Variants in CDH18 observed in about 807,000 individuals in gnomAD.
CDH18 encodes cadherin 18, also known as cadherin-18.
Under a neutral mutation model 67.9 loss-of-function variants are expected in CDH18, and 31 were observed. The observed-to-expected ratio is 0.46, with a 90% CI of 0.34 to 0.62. The LOEUF is 0.62. CDH18 is among the 20% of genes least tolerant of loss of function. The pLI is 0.01. For synonymous variants in CDH18, 362 were observed against 347.2 expected (o/e 1.04, Z -0.48); for missense variants, 890 against 975.5 (o/e 0.91, Z 1.17).
At chr5:20,287,376 T>A (rs933842681) in intron 1 of CDH18, among the ~76,000 whole-genome samples, 1 of 151,748 alleles carries the variant, frequency 6.6e-6, no homozygotes, top group African/African-American at 2.4e-5. Flanking sequence ...TATTCAAATT[T>A]AAATTGAAGG....
At chr5:20,179,691 A>C (rs1171260178) in intron 2 of CDH18, among the ~76,000 whole-genome samples, 1 of 152,168 alleles carries the variant, frequency 6.6e-6, no homozygotes, top group Middle Eastern at 3.2e-3. Context: ...AGCCACACCA[A>C]GTAAAAGTTT....
intron 1 of CDH18, among the ~76,000 whole-genome samples, chr5:20,301,171 G>GT (rs1460320822): frequency 7.1e-6 from 1 of 140,394 alleles, no homozygotes; most frequent in Admixed American, 6.8e-5. Context: ...TATAGACAGT[G>GT]TTTTTTTGTT....
Position 19,718,974 on chromosome 5 carries a change from G to C in CDH18, c.643+2373C>G, listed in dbSNP as rs115150981. Reference sequence around the variant, plus strand: ...TACATATTATGTTACTGATATATTTGCTTCCCCCAAATCACAAACTACAGC... The same window carrying C: ...TACATATTATGTTACTGATATATTTCCTTCCCCCAAATCACAAACTACAGC... On this transcript the variant is annotated intron_variant, in intron 5 of 12. Transcript: ENST00000382275. 7.1e-3 allele frequency among the ~76,000 whole-genome samples: 1,075 copies of C among 152,008 alleles called. 4 individuals carry two copies. Among genetic ancestry groups the C allele is most frequent in the Non-Finnish European group, 0.011 (761 of 67,838 alleles).
Position 20,233,858 on chromosome 5 carries a change from A to G in CDH18, c.-518+21586T>C, listed in dbSNP as rs116755346. 8.9e-3 allele frequency among the ~76,000 whole-genome samples: 1,352 copies of G among 152,218 alleles called. 24 individuals are homozygous for G. Among genetic ancestry groups the G allele is most frequent in the African/African-American group, 0.03 (1,242 of 41,552 alleles). On this transcript the variant is annotated intron_variant, in intron 2 of 14. Coordinates refer to the CDH18 transcript ENST00000507958. ...ATTTTAATTTTGCAGTGTTCTTGTA[A>G]AAATGTGAAGTCTATTTATCACCTT...
chr5:20,382,334 T>C (rs1242932140), intron 1 of CDH18, among the ~76,000 whole-genome samples: 2 of 152,182 alleles, frequency 1.3e-5, no homozygotes, highest in Non-Finnish European at 2.9e-5. Context: ...TCATGGAACA[T>C]ACCTATATAG....
intron 1 of CDH18, among the ~76,000 whole-genome samples, chr5:20,279,809 T>A (rs1490229808): frequency 6.8e-6 from 1 of 146,198 alleles, no homozygotes; most frequent in East Asian, 2.2e-4. Flanking sequence ...ATTGGACAGA[T>A]CATCCAGACA....
chr5:20,486,893 G>C (rs1193133180), intron 1 of CDH18, among the ~76,000 whole-genome samples: 4 of 152,054 alleles, frequency 2.6e-5, no homozygotes, highest in African/African-American at 9.7e-5. Flanking sequence ...AACCAGATAT[G>C]GTTTTTGTTG....
chr5:19,856,002 G>A (rs1784241269), intron 2 of CDH18, among the ~76,000 whole-genome samples: 1 of 152,172 alleles, frequency 6.6e-6, no homozygotes, highest in Middle Eastern at 3.2e-3. Flanking sequence ...AAAGCCAAGG[G>A]AATGCTCACA....
intron 3 of CDH18, among the ~76,000 whole-genome samples, chr5:19,806,960 A>C (rs539042643): frequency 6.6e-6 from 1 of 152,356 alleles, no homozygotes; most frequent in African/African-American, 2.4e-5. Context: ...CACTAAGACT[A>C]TATAATATAA....
chr5:19,763,724 A>T (rs1223769905), intron 3 of CDH18, among the ~76,000 whole-genome samples: 1 of 152,142 alleles, frequency 6.6e-6, no homozygotes, highest in Non-Finnish European at 1.5e-5. Flanking sequence ...GTGAGAAGAG[A>T]AGAATTTAGT....
At chr5:19,506,949 C>G (rs1245349265) in intron 10 of CDH18, among the ~76,000 whole-genome samples, 2 of 152,134 alleles carry the variant, frequency 1.3e-5, no homozygotes, top group African/African-American at 2.4e-5. Flanking sequence ...AAAGAAACTA[C>G]CATCAGAGTG....
intron 1 of CDH18, among the ~76,000 whole-genome samples, chr5:20,264,045 G>T (rs1370062391): frequency 6.6e-6 from 1 of 151,792 alleles, no homozygotes; most frequent in Non-Finnish European, 1.5e-5. Flanking sequence ...TTTGTAAAAG[G>T]AATTAATAAC....
intron 3 of CDH18, among the ~76,000 whole-genome samples, chr5:19,747,552 G>A (rs1001422739): frequency 2.0e-5 from 3 of 151,742 alleles, no homozygotes; most frequent in African/African-American, 7.3e-5. Context: ...CATAAAGTTG[G>A]GAAAATAAAT....
intron 1 of CDH18, among the ~76,000 whole-genome samples, chr5:20,428,457 C>A (rs1748487567): frequency 1.3e-5 from 2 of 152,148 alleles, no homozygotes; most frequent in Non-Finnish European, 1.5e-5. Flanking sequence ...TGGGTATAAA[C>A]CCAGTAATGG....
chr5:20,147,026 G>A (rs985241254), intron 2 of CDH18, among the ~76,000 whole-genome samples: 4 of 152,204 alleles, frequency 2.6e-5, no homozygotes, highest in South Asian at 4.1e-4. Context: ...TTACTTCTAA[G>A]AGGTTACTCA....
chr5:19,523,083 C>T (rs959411914), intron 9 of CDH18, among the ~76,000 whole-genome samples: 6 of 151,710 alleles, frequency 4.0e-5, no homozygotes, highest in Non-Finnish European at 2.9e-5. Context: ...CAATGGTGAA[C>T]GTACGGGTTA....
chr5:20,052,727 A>G (rs1209283396), intron 2 of CDH18, among the ~76,000 whole-genome samples: 1 of 152,098 alleles, frequency 6.6e-6, no homozygotes, highest in Non-Finnish European at 1.5e-5. Context: ...GGTAGGTATA[A>G]AATTCACAAA....
intron 2 of CDH18, among the ~76,000 whole-genome samples, chr5:20,111,550 T>C (rs1370363262): frequency 3.0e-5 from 4 of 134,360 alleles, no homozygotes; most frequent in East Asian, 2.1e-4. Flanking sequence ...TTCTTTCTTT[T>C]TTTTTTTTTT....
At chr5:20,327,706 G>A (rs527601280) in intron 1 of CDH18, among the ~76,000 whole-genome samples, 17 of 152,168 alleles carry the variant, frequency 1.1e-4, no homozygotes, top group South Asian at 6.2e-4. Flanking sequence ...AAAAAATAAA[G>A]CTAAGGTATC....
Sources: allele counts gnomAD v4.1 joint callset (sites outside exome capture counted in the v4.1 genomes callset), GRCh38; gene constraint gnomAD v4.1.1; transcripts MANE v1.5; gene names NCBI Gene and HGNC (gene_info 2026-07-23, HGNC 2026-07-21).